Variants in PPAT observed in about 807,000 individuals in gnomAD.
PPAT encodes the protein amidophosphoribosyltransferase.
PPAT carries 20 observed loss-of-function variants against 60.2 expected under a neutral mutation model. The ratio of observed to expected loss-of-function variants is 0.33; its 90% confidence interval spans 0.23 to 0.48. The LOEUF (loss-of-function observed/expected upper bound fraction) is 0.48, where lower values mean the gene tolerates loss of function less well. Among genes scored for constraint, PPAT ranks in the 20% least tolerant of loss-of-function variants. PPAT has a pLI of 0.99. For synonymous variants in PPAT, 194 were observed against 215.1 expected, an observed-to-expected ratio of 0.90 and a Z score of 0.86; for missense variants, 349 against 629.6, an observed-to-expected ratio of 0.55 and a Z score of 4.77.
intron 2 of PPAT, among the ~76,000 whole-genome samples, chr4:56,407,122 C>T (rs1485091493): frequency 1.3e-5 from 2 of 151,836 alleles, no homozygotes; most frequent in African/African-American, 4.8e-5. Flanking sequence ...ATAAATGACC[C>T]CCTATTTGAG....
At chr4:56,421,887 G>A (rs1478284520) in intron 1 of PPAT, 1 of 152,134 alleles carries the variant, frequency 6.6e-6, no homozygotes, top group Non-Finnish European at 1.5e-5. Flanking sequence ...TATCTATAGT[G>A]ACAAAAAGAT....
chr4:56,413,703 C>A (rs1205778351), intron 1 of PPAT, among the ~76,000 whole-genome samples: 2 of 151,904 alleles, frequency 1.3e-5, no homozygotes, highest in African/African-American at 4.8e-5. Context: ...CAAGACCAGC[C>A]TGACCAACAT....
At chr4:56,414,983 G>T (rs1271900055) in intron 1 of PPAT, among the ~76,000 whole-genome samples, 1 of 152,182 alleles carries the variant, frequency 6.6e-6, no homozygotes, top group African/African-American at 2.4e-5. Context: ...AAGCAGTGAT[G>T]TGCTTTTGTA....
chr4:56,397,087 G>T (rs1176634467), intron 9 of PPAT, among the ~76,000 whole-genome samples: 2 of 151,948 alleles, frequency 1.3e-5, no homozygotes, highest in African/African-American at 4.8e-5. Context: ...AGTTGTTTTT[G>T]TCTGTTATTG....
At chr4:56,434,401 C>T (rs1299274682) in intron 1 of PPAT, among the ~76,000 whole-genome samples, 3 of 152,236 alleles carry the variant, frequency 2.0e-5, no homozygotes, top group Non-Finnish European at 4.4e-5. Context: ...CACTGTATTG[C>T]CTTATGGAAA....
Position 56,402,195 on chromosome 4 carries a change from ATCAAT to A in PPAT, c.662-19_662-15del, listed in dbSNP as rs1560638035. 2 of 1,580,442 alleles carry A rather than the reference ATCAAT, an allele frequency of 1.3e-6. No homozygotes were observed. The highest frequency in any genetic ancestry group is 2.2e-5 in the East Asian group (1 of 44,530). On this transcript the variant is annotated splice_polypyrimidine_tract_variant and intron_variant, in intron 5 of 10. Coordinates refer to ENST00000264220, the MANE Select transcript of PPAT (RefSeq NM_002703.5). ...ATGTTTTTTTCTCTGTAAATCACAA[ATCAAT>A]TCAATTAATGGATTCCAGAAATTTT... is the stretch of plus-strand genomic sequence containing the variant.
chr4:56,413,201 C>T (rs1005143483), intron 1 of PPAT, among the ~76,000 whole-genome samples: 5 of 152,064 alleles, frequency 3.3e-5, no homozygotes, highest in African/African-American at 1.2e-4. Flanking sequence ...ACTCTGTCAC[C>T]CAGGCTGGAG....
intron 1 of PPAT, among the ~76,000 whole-genome samples, chr4:56,423,837 GA>G (rs1385164145): frequency 3.3e-5 from 5 of 151,878 alleles, no homozygotes; most frequent in Admixed American, 6.6e-5. Context: ...AAATACGTAA[GA>G]AAAAAACTTA....
In PPAT at chr4:56,403,328, G is replaced by A; in HGVS notation, c.476C>T (p.Pro159Leu). The change falls in exon 4 of 11, where the codon CCT becomes CTT. Residue 159 changes from proline to leucine, a missense_variant. Physicochemically the swap from Pro to Leu is moderately conservative, Grantham distance 98 (BLOSUM62 -3). Around this residue, in one of 5 missense-constraint regions of PPAT, gnomAD observed 63 missense variants for 86.9 expected, o/e 0.73. Coordinates refer to ENST00000264220, the MANE Select transcript of PPAT (RefSeq NM_002703.5). ...TGGGGTGTCATCTTGTTCCTGAGGA[G>A]GGGTATACGCCAGTAACTGGGTAAT... The part of the protein sequence containing the change: ...EMITQLLAYT[P>L]PQEQDDTPDW... 1.9e-6 allele frequency: 3 copies of A among 1,613,898 alleles called. No homozygotes were observed. The highest frequency in any genetic ancestry group is 1.7e-6 in the Non-Finnish European group (2 of 1,179,804).
rs765051568 is a variant in PPAT, at chr4:56,402,201, T to G, written c.662-20A>C. On this transcript the variant is annotated intron_variant, in intron 5 of 10. Coordinates refer to ENST00000264220, the MANE Select transcript of PPAT (RefSeq NM_002703.5). The stretch of plus-strand genomic sequence containing the variant: ...TTTTCTCTGTAAATCACAAATCAAT[T>G]CAATTAATGGATTCCAGAAATTTTA... 6.4e-7 allele frequency: 1 copy of G among 1,566,736 alleles called. No homozygotes were observed. The highest frequency in any genetic ancestry group is 1.1e-5 in the South Asian group (1 of 89,212).
chr4:56,411,723 G>A (rs974596284), intron 1 of PPAT, among the ~76,000 whole-genome samples: 1 of 152,152 alleles, frequency 6.6e-6, no homozygotes, highest in Non-Finnish European at 1.5e-5. Context: ...AGTTATATGC[G>A]TTTAGTAATG....
In PPAT at chr4:56,406,494, C is replaced by G; in HGVS notation, c.402+1G>C. ...TAGGGAAAACAAACAAACAAACGTA[C>G]CTTTTTCCTTAATCGAGCAGCATTT... On this transcript the variant is annotated splice_donor_variant, in intron 3 of 10. Coordinates refer to ENST00000264220, the MANE Select transcript of PPAT (RefSeq NM_002703.5). LOFTEE classifies it high-confidence loss of function. The G allele has an allele frequency of 6.2e-7, 1 of 1,609,782 alleles. No homozygotes were observed. Among genetic ancestry groups the G allele is most frequent in the Non-Finnish European group, 8.5e-7 (1 of 1,177,804 alleles).
At chr4:56,407,607 C>G (rs1178320953) in intron 2 of PPAT, 43 bp downstream of exon 2, 1 of 1,491,770 alleles carries the variant, frequency 6.7e-7, no homozygotes, top group Non-Finnish European at 9.4e-7. Context: ...CATGAACCAC[C>G]GCACTTGGTC....
intron 1 of PPAT, chr4:56,425,342 A>G: frequency 2.7e-6 from 1 of 369,456 alleles, no homozygotes; most frequent in Non-Finnish European, 3.7e-6. Context: ...ATGAAACACA[A>G]TACTGAGAAC....
rs975718996 is a variant in PPAT at position 56,410,746 on chromosome 4, T to C, written c.129-3030A>G. The C allele has an allele frequency of 3.8e-5, 38 of 987,098 alleles. No homozygotes were observed. In the African/African-American group the frequency reaches 6.3e-4, roughly 16 times the overall value. The allele number at this position is 987,098 out of a possible 1,614,324, so 61.1% of individuals were successfully genotyped here. A position where few individuals can be genotyped will look rare whatever the true frequency, so the allele number is the denominator to read the frequency against. On this transcript the variant is annotated intron_variant, in intron 1 of 10. Coordinates refer to ENST00000264220, the MANE Select transcript of PPAT (RefSeq NM_002703.5). ...AATATAGAACAGTTAAATATGCCCATAACTCTGGAGACAGCTCTAAAACTA... is the reference window on the plus strand; with the variant it reads ...AATATAGAACAGTTAAATATGCCCACAACTCTGGAGACAGCTCTAAAACTA...
intron 1 of PPAT, chr4:56,420,322 CAT>C (rs1405795089): frequency 6.6e-6 from 1 of 152,208 alleles, no homozygotes; most frequent in Non-Finnish European, 1.5e-5. Flanking sequence ...ATACCCATCA[CAT>C]GAGGTCAAGT....
intron 1 of PPAT, chr4:56,422,698 G>C (rs566053358): frequency 6.6e-6 from 1 of 152,082 alleles, no homozygotes; most frequent in East Asian, 1.9e-4. Context: ...ATGGGTTTTA[G>C]ATTTTATATC....
intron 1 of PPAT, chr4:56,416,291 G>C: frequency 5.3e-6 from 1 of 188,708 alleles, no homozygotes; most frequent in Non-Finnish European, 9.8e-6. Flanking sequence ...ACCACATTTA[G>C]CTAAAGCTAT....
At chr4:56,426,173 C>CA (rs1717275826) in intron 1 of PPAT, among the ~76,000 whole-genome samples, 1 of 152,148 alleles carries the variant, frequency 6.6e-6, no homozygotes, top group African/African-American at 2.4e-5. Context: ...GAGGCCAAGG[C>CA]AGGCAGAACA....
Sources: allele counts gnomAD v4.1 joint callset (sites outside exome capture counted in the v4.1 genomes callset), GRCh38; gene constraint gnomAD v4.1.1; regional missense constraint gnomAD v4.1.1; transcripts MANE v1.5; gene names NCBI Gene and HGNC (gene_info 2026-07-23, HGNC 2026-07-21).